KIAA1549L: variants seen among roughly 807,000 people sequenced by gnomAD.
KIAA1549L encodes the protein UPF0606 protein KIAA1549L.
A neutral mutation model predicts 160.7 loss-of-function variants in KIAA1549L; 88 were observed. The observed-to-expected ratio is 0.55, with a 90% CI of 0.46 to 0.65. The LOEUF is 0.65. Ranked by LOEUF, KIAA1549L falls within the 30% of genes least tolerant of loss-of-function variation. KIAA1549L has a pLI of 0.00. For synonymous variants in KIAA1549L, 950 were observed against 976.7 expected (o/e 0.97, Z 0.51); for missense variants, 2,258 against 2,437.5 (o/e 0.93, Z 1.55).
In KIAA1549L at chr11:33,599,019, G is replaced by A. The variant is rs544516259; in HGVS notation, c.4879+72G>A. 16 of 1,556,272 alleles carry A rather than the reference G, an allele frequency of 1.0e-5. No homozygotes were observed. The East Asian group carries it at 1.4e-4, about 13-fold the overall frequency. On this transcript the variant is annotated intron_variant, in intron 13 of 20. Coordinates refer to ENST00000658780, the MANE Select transcript of KIAA1549L (RefSeq NM_012194.3). ...TGCCCGCACACACATGCGTGCACAC[G>A]TGTGCACAAACTCACACACAGCCAC...
chr11:33,494,227 T>C (rs1852761873), intron 1 of KIAA1549L, among the ~76,000 whole-genome samples: 1 of 152,240 alleles, frequency 6.6e-6, no homozygotes, highest in Non-Finnish European at 1.5e-5. Flanking sequence ...AAAGCAATTA[T>C]ATAGATATGT....
intron 16 of KIAA1549L, among the ~76,000 whole-genome samples, chr11:33,636,623 G>A (rs1012092660): frequency 3.9e-5 from 6 of 152,094 alleles, no homozygotes; most frequent in African/African-American, 1.4e-4. Flanking sequence ...GAACCACCAC[G>A]CCCAGCCAAG....
At chr11:33,487,068 C>G (rs1852543556) in intron 1 of KIAA1549L, among the ~76,000 whole-genome samples, 1 of 152,186 alleles carries the variant, frequency 6.6e-6, no homozygotes, top group African/African-American at 2.4e-5. Flanking sequence ...TCATAAATTG[C>G]ATTTTTCCAC....
intron 1 of KIAA1549L, among the ~76,000 whole-genome samples, chr11:33,391,391 G>A (rs867987426): frequency 6.6e-6 from 1 of 152,160 alleles, no homozygotes; most frequent in East Asian, 1.9e-4. Context: ...AGTCCACGTG[G>A]TACCCTAGTA....
At chr11:33,588,432 A>G (rs1010025482) in intron 11 of KIAA1549L, among the ~76,000 whole-genome samples, 3 of 152,168 alleles carry the variant, frequency 2.0e-5, no homozygotes, top group Admixed American at 2.0e-4. Flanking sequence ...TCATATTTTA[A>G]ATGAGAGTGA....
At chr11:33,599,039 A>G (rs1475828998) in intron 13 of KIAA1549L, 92 bp downstream of exon 13, 1 of 1,434,390 alleles carries the variant, frequency 7.0e-7, no homozygotes, top group East Asian at 2.3e-5. Context: ...ACTCACACAC[A>G]GCCACTGGGC....
In KIAA1549L at chr11:33,654,041, C is replaced by T. The variant is rs1176394002; in HGVS notation, c.5761-1971C>T. 5.9e-5 allele frequency among the ~76,000 whole-genome samples: 9 copies of T among 152,042 alleles called. No individual in the cohort carries two copies. In the East Asian group the frequency reaches 7.7e-4, roughly 13 times the overall value. ...AGGCTGGAGTGCAGTGGCGTGATCT[C>T]GGCCCACTGCAACCCCCAACTTCTG... On this transcript the variant is annotated intron_variant, in intron 17 of 20. Transcript: ENST00000658780.
At chr11:33,589,780 G>A (rs1849993257) in intron 11 of KIAA1549L, among the ~76,000 whole-genome samples, 1 of 152,068 alleles carries the variant, frequency 6.6e-6, no homozygotes. Context: ...GGAGGTGGGA[G>A]GGATAGCATT....
chr11:33,609,077 A>G (rs139378324), intron 14 of KIAA1549L, among the ~76,000 whole-genome samples: 1 of 152,376 alleles, frequency 6.6e-6, no homozygotes, highest in East Asian at 1.9e-4. Flanking sequence ...ACAGTTTGCA[A>G]GGTACATTAG....
intron 1 of KIAA1549L, among the ~76,000 whole-genome samples, chr11:33,451,542 G>A (rs1452135921): frequency 1.4e-4 from 22 of 152,084 alleles, no homozygotes; most frequent in Admixed American, 1.2e-3. Context: ...ATCATCCTGC[G>A]TAAATGTCAT....
chr11:33,563,863 C>A lies in KIAA1549L; in HGVS notation c.4078+2128C>A, dbSNP rs57132733. Among the ~76,000 whole-genome samples, 77 of 152,278 alleles carry A rather than the reference C, an allele frequency of 5.1e-4. 2 individuals are homozygous for A. In the East Asian group the frequency reaches 0.015, roughly 29 times the overall value. On this transcript the variant is annotated intron_variant, in intron 8 of 20. Coordinates refer to ENST00000658780, the MANE Select transcript of KIAA1549L (RefSeq NM_012194.3). ...TTAAGGTTTACATTAAATGATAACT[C>A]ATTCACTCTTCACCACAGGCTGTCC...
intron 1 of KIAA1549L, among the ~76,000 whole-genome samples, chr11:33,513,710 G>A (rs1466257579): frequency 6.6e-6 from 1 of 152,154 alleles, no homozygotes; most frequent in Non-Finnish European, 1.5e-5. Context: ...CGGCTGTGAG[G>A]CCAGAAGTGA....
At chr11:33,656,866 A>G (rs1163792953) in intron 18 of KIAA1549L, among the ~76,000 whole-genome samples, 1 of 152,168 alleles carries the variant, frequency 6.6e-6, no homozygotes, top group African/African-American at 2.4e-5. Flanking sequence ...GGAGGGGCGT[A>G]GACGTCACTT....
In KIAA1549L at chr11:33,542,816, C is replaced by A; in HGVS notation, c.1253C>A (p.Pro418His). ...GAAACAGCGACCCATGAGGCTGAGC[C>A]TCCACTTTTCCAGACTGCAGAATCA... Reference protein sequence around the residue: ...NTETATHEAEPPLFQTAESGA... With the variant: ...NTETATHEAEHPLFQTAESGA... Residue 418 changes from proline (P) to histidine (H), a missense_variant, in exon 2 of 21, where the codon CCT (proline) becomes CAT (histidine). Around this residue, in one of 6 missense-constraint regions of KIAA1549L, gnomAD observed 540 missense variants for 465.7 expected, o/e 1.16. Transcript: ENST00000658780. 6.2e-7 allele frequency: 1 copy of A among 1,613,898 alleles called. No individual in the cohort carries two copies.
chr11:33,649,505 TAAAAAA>T (rs34818689), intron 17 of KIAA1549L, among the ~76,000 whole-genome samples: 2 of 124,796 alleles, frequency 1.6e-5, no homozygotes, highest in Admixed American at 8.2e-5. Flanking sequence ...GTCTCTATTG[TAAAAAA>T]AAAAAAAAAA....
intron 1 of KIAA1549L, among the ~76,000 whole-genome samples, chr11:33,407,843 C>T (rs978414009): frequency 3.3e-5 from 5 of 152,152 alleles, no homozygotes; most frequent in South Asian, 4.1e-4. Flanking sequence ...CAGCCTTCTG[C>T]GCCCGTCTAT....
chr11:33,597,101 G>C (rs1850221212), intron 12 of KIAA1549L, among the ~76,000 whole-genome samples: 1 of 152,158 alleles, frequency 6.6e-6, no homozygotes. Flanking sequence ...TGGAAATGTT[G>C]GGTTAAACGA....
chr11:33,614,531 GATATATATATATATATATATATATAT>G (rs780446812), intron 15 of KIAA1549L, among the ~76,000 whole-genome samples: 276 of 27,102 alleles, frequency 0.01, 40 homozygotes, highest in East Asian at 0.03. Context: ...AGTGTAACAA[GATATATATATATATATATATATATAT>G]ATATATATAT....
intron 6 of KIAA1549L, among the ~76,000 whole-genome samples, chr11:33,553,165 A>C (rs1047294928): frequency 3.3e-5 from 5 of 152,038 alleles, no homozygotes; most frequent in South Asian, 4.1e-4. Context: ...CCCTTTTAAA[A>C]ATTTTTTAAT....
Sources: gnomAD v4.1 joint callset for allele counts (sites outside exome capture counted in the v4.1 genomes callset) on GRCh38, gnomAD v4.1.1 for gene constraint, gnomAD v4.1.1 regional missense constraint, MANE v1.5 for transcripts, NCBI Gene and HGNC (gene_info 2026-07-23, HGNC 2026-07-21) for gene names.